Variants in WWP2 observed in about 807,000 individuals in gnomAD.
The protein encoded by WWP2 is NEDD4-like E3 ubiquitin-protein ligase WWP2.
A neutral mutation model predicts 121.0 loss-of-function variants in WWP2; 57 were observed. That is an observed-to-expected ratio of 0.47 (90% CI 0.38 to 0.59). WWP2 has a LOEUF of 0.59. Among genes scored for constraint, WWP2 ranks in the 20% least tolerant of loss-of-function variants. WWP2 has a pLI of 0.00. For missense variants in WWP2, 962 were observed against 1,158.9 expected (o/e 0.83, Z 2.47); for synonymous variants, 449 against 441.3 (o/e 1.02, Z -0.22).
In WWP2 at chr16:69,789,716, C is replaced by T. The variant is rs151190030; in HGVS notation, c.70+2636C>T. ...TGCGAGAGTGCCTGTTTCCCTACAT[C>T]TTTACCAGCACAATGTTGTCAGACT... On this transcript the variant is annotated intron_variant, in intron 2 of 23. Coordinates refer to ENST00000359154, the MANE Select transcript of WWP2 (RefSeq NM_001270454.2). Among the ~76,000 whole-genome samples the T allele has an allele frequency of 8.5e-3, 1,294 of 152,314 alleles. 20 individuals are homozygous for T. Among genetic ancestry groups the T allele is most frequent in the African/African-American group, 0.03 (1,241 of 41,564 alleles).
rs766923825 is a variant in WWP2 at position 69,885,144 on chromosome 16, C to CACA, written c.704-2895_704-2894insACA. On this transcript the variant is annotated intron_variant, in intron 7 of 23. Transcript: ENST00000359154. Reference sequence around the variant, plus strand: ...ACACACACACACACACACACACATTCTTCTTCTTTAGAATGTTCATGGCTA... The same window carrying CACA: ...ACACACACACACACACACACACATTCACATTCTTCTTTAGAATGTTCATGGCTA... 4.9e-3 allele frequency among the ~76,000 whole-genome samples: 725 copies of CACA among 149,302 alleles called. 11 individuals carry two copies. Among genetic ancestry groups the CACA allele is most frequent in the African/African-American group, 0.016 (645 of 40,814 alleles).
At chr16:69,777,490 G>A (rs758308251) in intron 1 of WWP2, among the ~76,000 whole-genome samples, 7 of 151,374 alleles carry the variant, frequency 4.6e-5, no homozygotes, top group Non-Finnish European at 8.8e-5. Flanking sequence ...TAGTAGAGAT[G>A]GGGTTTCACC....
At chr16:69,784,101 T>C (rs1184105695) in intron 1 of WWP2, among the ~76,000 whole-genome samples, 1 of 135,336 alleles carries the variant, frequency 7.4e-6, no homozygotes, top group African/African-American at 2.8e-5. Flanking sequence ...CTTTTTTTTT[T>C]TTTTTTTTTT....
At chr16:69,770,568 C>T (rs188981780) in intron 1 of WWP2, among the ~76,000 whole-genome samples, 1 of 152,272 alleles carries the variant, frequency 6.6e-6, no homozygotes, top group Non-Finnish European at 1.5e-5. Context: ...TAAAGTGTTT[C>T]CTTGAGTCCT....
intron 2 of WWP2, among the ~76,000 whole-genome samples, chr16:69,796,086 T>G (rs1426885521): frequency 6.6e-6 from 1 of 152,032 alleles, no homozygotes; most frequent in Non-Finnish European, 1.5e-5. Context: ...GTCTGTAAAT[T>G]AAATATTAGT....
chr16:69,937,667 C>G lies in WWP2; in HGVS notation c.2343+15C>G, dbSNP rs746530385. ...GGTTCTGGCAGGTGGGTCCCGGGCC[C>G]AGGCCTTGGCAGGGACATTTGGGCC... On this transcript the variant is annotated intron_variant, in intron 21 of 23. Transcript: ENST00000359154. This position sits in a 1 kb window ranked among gnomAD's most constrained non-coding sequence, Gnocchi z 6.6. 1.2e-6 allele frequency: 2 copies of G among 1,612,848 alleles called. No homozygotes were observed. The highest frequency in any genetic ancestry group is 1.7e-6 in the Non-Finnish European group (2 of 1,179,364).
chr16:69,924,466 A>G (rs1436211807), intron 10 of WWP2, among the ~76,000 whole-genome samples: 1 of 152,198 alleles, frequency 6.6e-6, no homozygotes, highest in African/African-American at 2.4e-5. Context: ...GAGTGGAACA[A>G]TACTTGTTTT....
Position 69,888,130 on chromosome 16 carries a change from G to A in WWP2, c.795G>A (p.Pro265=), listed in dbSNP as rs199900980. The change falls in exon 8 of 24, where the codon CCG becomes CCA. Residue 265 remains proline (P), a synonymous_variant. Coordinates refer to ENST00000359154, the MANE Select transcript of WWP2 (RefSeq NM_001270454.2). ...SPPAAPLSVT[P]NPNTTSLPAP... The stretch of plus-strand genomic sequence containing the variant: ...CTGCTGCACCCTTGAGTGTGACCCC[G>A]AATCCCAACACGACTTCTCTCCCTG... 1.1e-4 allele frequency: 182 copies of A among 1,614,094 alleles called. No individual in the cohort carries two copies. In the East Asian group the frequency reaches 3.8e-3, roughly 33 times the overall value.
At chr16:69,893,682 C>T (rs2058064703) in intron 8 of WWP2, among the ~76,000 whole-genome samples, 1 of 152,192 alleles carries the variant, frequency 6.6e-6, no homozygotes, top group South Asian at 2.1e-4. Flanking sequence ...GCTGGGAGTA[C>T]AGGCTTGCGC....
intron 4 of WWP2, among the ~76,000 whole-genome samples, chr16:69,800,965 C>T (rs1014621401): frequency 1.3e-5 from 2 of 148,994 alleles, no homozygotes; most frequent in Non-Finnish European, 3.0e-5. Flanking sequence ...GCGGGTGGAT[C>T]ACCTGAGGTC....
chr16:69,859,987 G>T (rs918088770), intron 6 of WWP2, among the ~76,000 whole-genome samples: 2 of 151,616 alleles, frequency 1.3e-5, no homozygotes, highest in African/African-American at 4.8e-5. Flanking sequence ...AGGCATTGGA[G>T]GGGGGCTAGA....
chr16:69,787,728 C>G (rs947202249), intron 2 of WWP2, among the ~76,000 whole-genome samples: 1 of 152,234 alleles, frequency 6.6e-6, no homozygotes, highest in Non-Finnish European at 1.5e-5. Context: ...GATCACTCCT[C>G]TGGGCTTTAC....
At position 69,925,247 on chromosome 16, in the gene WWP2, A is replaced by T; in HGVS notation, c.1180-183A>T. 1 of 1,440,840 alleles carries T rather than the reference A, an allele frequency of 6.9e-7. No homozygotes were observed. The highest frequency in any genetic ancestry group is 1.7e-5 in the South Asian group (1 of 60,422). The allele number at this position is 1,440,840 out of a possible 1,614,324, so 89.3% of individuals were successfully genotyped here. A position where few individuals can be genotyped will look rare whatever the true frequency, so the allele number is the denominator to read the frequency against. On this transcript the variant is annotated intron_variant, in intron 10 of 23. Transcript: ENST00000359154. The surrounding 1 kb of genome is among the most constrained non-coding windows in gnomAD (Gnocchi z 4.0). ...GGTTCTTTTTTGGTTTTTCTGTAAA[A>T]ATCAAAACAAAAAACAGAGACTTTT...
intron 1 of WWP2, among the ~76,000 whole-genome samples, chr16:69,786,442 CTTTTTTT>C (rs957224996): frequency 1.2e-5 from 1 of 85,406 alleles, no homozygotes; most frequent in African/African-American, 6.1e-5. Context: ...CCCAGCCAAT[CTTTTTTT>C]TTTTTTTTTT....
chr16:69,912,456 G>A (rs1287385911), intron 9 of WWP2, among the ~76,000 whole-genome samples: 2 of 151,906 alleles, frequency 1.3e-5, no homozygotes, highest in South Asian at 4.2e-4. Context: ...GAGAGAGTAG[G>A]AGGACCAGGT....
At chr16:69,835,820 T>TTTC (rs2056866693) in intron 4 of WWP2, among the ~76,000 whole-genome samples, 1 of 151,180 alleles carries the variant, frequency 6.6e-6, no homozygotes. Flanking sequence ...TTTTTTTTTT[T>TTTC]GAGACAGAGT....
At position 69,880,786 on chromosome 16, in the gene WWP2, A is replaced by G. The variant is rs1028599696; in HGVS notation, c.704-7253A>G. On this transcript the variant is annotated intron_variant, in intron 7 of 23. Transcript: ENST00000359154. Reference sequence around the variant, plus strand: ...CACCAACTGCTTTACTGTGGCCCACATGTTACGAGCTGATCTTCAGTAGAA... The same window carrying G: ...CACCAACTGCTTTACTGTGGCCCACGTGTTACGAGCTGATCTTCAGTAGAA... Among the ~76,000 whole-genome samples, 7 of 152,292 alleles carry G rather than the reference A, an allele frequency of 4.6e-5. No homozygotes were observed. The East Asian group carries it at 7.7e-4, about 17-fold the overall frequency.
chr16:69,844,181 G>A (rs747122438), intron 6 of WWP2, among the ~76,000 whole-genome samples: 6 of 152,068 alleles, frequency 3.9e-5, no homozygotes, highest in Non-Finnish European at 5.9e-5. Context: ...CATGTTTTCC[G>A]TGTCTCGGTA....
rs371532664 is a variant in WWP2, at chr16:69,917,782, C to G, written c.1078C>G (p.Arg360Gly). ...DHNTRTTTWQ[R>G]PTAEYVRNYE... The stretch of plus-strand genomic sequence containing the variant: ...CAATACTCGGACCACCACCTGGCAG[C>G]GTCCGACCGCGGAGTACGTGCGCAA... The change falls in exon 10 of 24, where the codon CGT becomes GGT. Residue 360 changes from arginine (R) to glycine (G), a missense_variant. Around this residue, in one of 3 missense-constraint regions of WWP2, gnomAD observed 606 missense variants for 772.6 expected, o/e 0.78. Transcript: ENST00000359154. 156 of 1,613,814 alleles carry G rather than the reference C, an allele frequency of 9.7e-5. No homozygotes were observed. Among genetic ancestry groups the G allele is most frequent in the Non-Finnish European group, 1.3e-4 (151 of 1,179,802 alleles).
Sources: gnomAD v4.1 joint callset for allele counts (sites outside exome capture counted in the v4.1 genomes callset) on GRCh38, gnomAD v4.1.1 for gene constraint, gnomAD v4.1.1 regional missense constraint, Gnocchi (gnomAD v3.1) non-coding constraint, MANE v1.5 for transcripts, NCBI Gene and HGNC (gene_info 2026-07-23, HGNC 2026-07-21) for gene names.